Variants in ADAM12 observed in about 807,000 individuals in gnomAD.
The protein encoded by ADAM12 is ADAM metallopeptidase domain 12, also known as disintegrin and metalloproteinase domain-containing protein 12.
A neutral mutation model predicts 106.4 loss-of-function variants in ADAM12; 70 were observed. The observed-to-expected ratio is 0.66, with a 90% CI of 0.54 to 0.80. The LOEUF (loss-of-function observed/expected upper bound fraction) is 0.80, where lower values mean the gene tolerates loss of function less well. Among genes scored for constraint, ADAM12 ranks in the 30% least tolerant of loss-of-function variants. The pLI, the probability that ADAM12 is intolerant of heterozygous loss-of-function variation, is 0.00. For synonymous variants in ADAM12, 420 were observed against 433.5 expected, an observed-to-expected ratio of 0.97 and a Z score of 0.39; for missense variants, 1,010 against 1,171.9, an observed-to-expected ratio of 0.86 and a Z score of 2.02.
At chr10:126,383,336 G>T (rs557928408) in intron 1 of ADAM12, among the ~76,000 whole-genome samples, 5 of 152,258 alleles carry the variant, frequency 3.3e-5, no homozygotes, top group African/African-American at 1.2e-4. Flanking sequence ...AAAATGTAAA[G>T]GGATGAAAAA....
intron 1 of ADAM12, among the ~76,000 whole-genome samples, chr10:126,357,428 G>T (rs1855580991): frequency 1.3e-5 from 2 of 152,090 alleles, no homozygotes; most frequent in Non-Finnish European, 2.9e-5. Context: ...CAAAAGCTAA[G>T]CAGAGATTGA....
At chr10:126,126,860 T>A (rs1278314) in intron 5 of ADAM12, among the ~76,000 whole-genome samples, 4 of 151,804 alleles carry the variant, frequency 2.6e-5, no homozygotes, top group Admixed American at 6.6e-5. Flanking sequence ...ACTCGAGGTG[T>A]TGTGGACCTT....
chr10:126,266,313 G>T (rs1289542645), intron 3 of ADAM12, among the ~76,000 whole-genome samples: 1 of 152,150 alleles, frequency 6.6e-6, no homozygotes, highest in Admixed American at 6.5e-5. Flanking sequence ...GCAGGTGCAG[G>T]GTGGGACGAG....
At chr10:126,337,479 AAAG>A (rs1284843891) in intron 1 of ADAM12, among the ~76,000 whole-genome samples, 3 of 152,184 alleles carry the variant, frequency 2.0e-5, no homozygotes, top group African/African-American at 7.2e-5. Context: ...CAGCACAGAA[AAAG>A]AAGGAAATCA....
intron 1 of ADAM12, among the ~76,000 whole-genome samples, chr10:126,347,161 C>T (rs771866626): frequency 1.3e-4 from 20 of 152,080 alleles, no homozygotes; most frequent in African/African-American, 2.2e-4. Context: ...TGGCTGATAC[C>T]GGTTGTTCCT....
chr10:126,353,138 C>T (rs1220318053), intron 1 of ADAM12, among the ~76,000 whole-genome samples: 1 of 152,164 alleles, frequency 6.6e-6, no homozygotes, highest in Non-Finnish European at 1.5e-5. Context: ...GCCATCACTC[C>T]CTATACTTAA....
intron 2 of ADAM12, among the ~76,000 whole-genome samples, chr10:126,311,439 C>G (rs1961093390): frequency 6.6e-6 from 1 of 152,000 alleles, no homozygotes; most frequent in Non-Finnish European, 1.5e-5. Flanking sequence ...CTGGTCTCTG[C>G]CCCCTGTTCC....
intron 5 of ADAM12, among the ~76,000 whole-genome samples, chr10:126,131,464 C>A (rs1159034909): frequency 6.6e-6 from 1 of 152,106 alleles, no homozygotes; most frequent in Non-Finnish European, 1.5e-5. Context: ...ATATACCCTG[C>A]AAATTCATAT....
At chr10:126,177,495 G>C (rs1957240662) in intron 3 of ADAM12, among the ~76,000 whole-genome samples, 3 of 152,152 alleles carry the variant, frequency 2.0e-5, no homozygotes, top group Non-Finnish European at 4.4e-5. Context: ...AGACCACACA[G>C]CTAATAAATT....
chr10:126,373,621 T>C (rs1252576472), intron 1 of ADAM12, among the ~76,000 whole-genome samples: 2 of 152,192 alleles, frequency 1.3e-5, no homozygotes, highest in African/African-American at 4.8e-5. Flanking sequence ...GGGATTACAA[T>C]AGGCAGCCAA....
chr10:126,099,707 G>A lies in ADAM12; in HGVS notation c.912-1207C>T, dbSNP rs542092004. ...GGCAGGGGGGAACCCTGTGAAAATG[G>A]CCGAAGTAAATTATCAAAGAATGCC... On this transcript the variant is annotated intron_variant, in intron 9 of 22. Transcript: ENST00000448723. Among the ~76,000 whole-genome samples, 177 of 152,246 alleles carry A rather than the reference G, an allele frequency of 1.2e-3. 2 individuals carry two copies. Among genetic ancestry groups the A allele is most frequent in the African/African-American group, 3.9e-3 (163 of 41,560 alleles).
intron 4 of ADAM12, among the ~76,000 whole-genome samples, chr10:126,141,185 C>T (rs1166210568): frequency 6.6e-6 from 1 of 152,270 alleles, no homozygotes; most frequent in Non-Finnish European, 1.5e-5. Context: ...TTGATCACTG[C>T]ATGGCCCTTA....
chr10:126,293,028 G>T (rs1960223972), intron 2 of ADAM12, among the ~76,000 whole-genome samples: 2 of 152,168 alleles, frequency 1.3e-5, no homozygotes, highest in African/African-American at 4.8e-5. Flanking sequence ...GATGCTGCTG[G>T]TCTGGGGACC....
intron 3 of ADAM12, among the ~76,000 whole-genome samples, chr10:126,214,897 C>T (rs2133842621): frequency 6.6e-6 from 1 of 152,312 alleles, no homozygotes; most frequent in Admixed American, 6.5e-5. Flanking sequence ...CGGCTGCTCG[C>T]CTCCCAGGCC....
At chr10:126,299,581 T>A (rs574239344) in intron 2 of ADAM12, among the ~76,000 whole-genome samples, 5 of 152,198 alleles carry the variant, frequency 3.3e-5, no homozygotes. Flanking sequence ...AAAAGTCACA[T>A]ACATGAATGC....
intron 2 of ADAM12, among the ~76,000 whole-genome samples, chr10:126,309,245 T>A (rs946420619): frequency 2.6e-5 from 4 of 152,198 alleles, no homozygotes; most frequent in African/African-American, 9.7e-5. Context: ...AGACAATGTT[T>A]GCAGCTGGGG....
At chr10:126,268,182 C>T (rs186649450) in intron 3 of ADAM12, among the ~76,000 whole-genome samples, 5 of 152,236 alleles carry the variant, frequency 3.3e-5, no homozygotes, top group South Asian at 2.1e-4. Flanking sequence ...TTTGCCTATT[C>T]GAATTTTGCC....
chr10:126,269,743 A>G (rs1055704351), intron 3 of ADAM12, among the ~76,000 whole-genome samples: 2 of 152,214 alleles, frequency 1.3e-5, no homozygotes, highest in African/African-American at 4.8e-5. Context: ...TCAGAAGGGA[A>G]GGAGTGCAAG....
chr10:126,071,825 C>A (rs1199190077), intron 11 of ADAM12, among the ~76,000 whole-genome samples, 171 bp from the exon 12 acceptor site: 2 of 152,176 alleles, frequency 1.3e-5, no homozygotes, highest in Admixed American at 6.5e-5. Context: ...AAGTGAGGCA[C>A]ATTCAGTTCC....
Sources: allele counts gnomAD v4.1 joint callset (sites outside exome capture counted in the v4.1 genomes callset), GRCh38; gene constraint gnomAD v4.1.1; transcripts MANE v1.5; gene names NCBI Gene and HGNC (gene_info 2026-07-23, HGNC 2026-07-21).